EPPK1: variants seen among roughly 807,000 people sequenced by gnomAD.
The protein encoded by EPPK1 is epiplakin.
For missense variants in EPPK1, 3,823 were observed against 3,673.3 expected, an observed-to-expected ratio of 1.04 and a Z score of -1.05; for synonymous variants, 1,862 against 1,721.2, an observed-to-expected ratio of 1.08 and a Z score of -2.03.
chr8:143,874,582 C>T (rs1819444901), intron 1 of EPPK1, among the ~76,000 whole-genome samples: 1 of 152,180 alleles, frequency 6.6e-6, no homozygotes, highest in African/African-American at 2.4e-5. Context: ...TCCCCTCGAG[C>T]TCCGGAGGAA....
At position 143,876,793 on chromosome 8, in the gene EPPK1, C is replaced by T. The variant is rs912107444; in HGVS notation, c.-46+1645G>A. ...GGGCCCTGCCCTGTCCCCTGACATCCGGCCAGGGATGGCGGTGAGGAAATG... is the reference window on the plus strand; with the variant it reads ...GGGCCCTGCCCTGTCCCCTGACATCTGGCCAGGGATGGCGGTGAGGAAATG... On this transcript the variant is annotated intron_variant, in intron 1 of 1. Transcript: ENST00000615648. 1.1e-4 allele frequency among the ~76,000 whole-genome samples: 16 copies of T among 152,240 alleles called. No individual in the cohort carries two copies. The East Asian group carries it at 2.5e-3, about 24-fold the overall frequency.
rs377549667 is a variant in EPPK1, at chr8:143,869,348, G to A, written c.3906C>T (p.Asp1302=). 1.6e-4 allele frequency: 259 copies of A among 1,610,468 alleles called. 1 individual carries two copies. In the African/African-American group the frequency reaches 2.7e-3, roughly 17 times the overall value. Residue 1302 remains aspartate, a synonymous_variant, in exon 2 of 2, where the codon GAC becomes GAT. Coordinates refer to ENST00000615648, the MANE Select transcript of EPPK1 (RefSeq NM_031308.4). ...TGCCCACCAGGCCGACCTTAACCGC[G>A]TCCTCCACTGACAGTCTCTGGTTGT... The part of the protein sequence containing the change: ...PLNNQRLSVE[D]AVKVGLVGRE...
At chr8:143,878,800 C>T (rs1819543302), upstream of EPPK1, among the ~76,000 whole-genome samples, 1 of 152,044 alleles carries the variant, frequency 6.6e-6, no homozygotes, top group African/African-American at 2.4e-5. Context: ...CCACAAGCCA[C>T]TAATGCGGTG....
At position 143,871,501 on chromosome 8, in the gene EPPK1, G is replaced by A. The variant is rs552461807; in HGVS notation, c.1753C>T (p.Arg585Trp). The A allele has an allele frequency of 2.1e-5, 34 of 1,609,288 alleles. No individual in the cohort carries two copies. Among genetic ancestry groups the A allele is most frequent in the South Asian group, 6.6e-5 (6 of 90,472 alleles). Residue 585 changes from arginine (R) to tryptophan (W), a missense_variant, in exon 2 of 2, where the codon CGG (arginine) becomes TGG (tryptophan). Coordinates refer to ENST00000615648, the MANE Select transcript of EPPK1 (RefSeq NM_031308.4). ...GCTGTGGCCTGTCCATGCTCCAGCC[G>A]CTCGTACAGGTCCTGGTCGATGATC... is the stretch of plus-strand genomic sequence containing the variant. ...AEIIDQDLYE[R>W]LEHGQATAKD...
chr8:143,866,835 A>T lies in EPPK1; in HGVS notation c.6419T>A (p.Val2140Glu), dbSNP rs782536099. ...TCTGGTGTGTGTTCTATACATCCTC[A>T]CCAGCTGGAGCTTCTTCTCCTCTGT... ...YVTEEKKLQL[V>E]RMYRTHTRRA... The change falls in exon 2 of 2, where the codon GTG becomes GAG. Residue 2140 changes from valine to glutamate, a missense_variant. Coordinates refer to ENST00000615648, the MANE Select transcript of EPPK1 (RefSeq NM_031308.4). The T allele has an allele frequency of 3.7e-6, 6 of 1,613,176 alleles. No homozygotes were observed. In the African/African-American group the frequency reaches 8.0e-5, roughly 22 times the overall value.
In EPPK1 at chr8:143,866,185, C is replaced by G; in HGVS notation, c.7069G>C (p.Val2357Leu). ...CGCCGGTAGGCCACGTCCACGGGCA[C>G]GCGGTGGCTGTGCACGGGGTCGATG... ...GVIDPVHSHR[V>L]PVDVAYRRGY... Residue 2357 changes from valine to leucine, a missense_variant, in exon 2 of 2, where the codon GTG (valine) becomes CTG (leucine). Physicochemically the swap from Val to Leu is conservative, Grantham distance 32. Transcript: ENST00000615648. The G allele has an allele frequency of 7.0e-6, 3 of 427,710 alleles. No homozygotes were observed. Among genetic ancestry groups the G allele is most frequent in the Non-Finnish European group, 1.2e-5 (3 of 255,772 alleles). The allele number at this position is 427,710 out of a possible 1,614,324, so 26.5% of individuals were successfully genotyped here.
In EPPK1 at chr8:143,868,661, C is replaced by T; in HGVS notation, c.4593G>A (p.Arg1531=). The change falls in exon 2 of 2, where the codon AGG becomes AGA. Residue 1531 remains arginine (R), a synonymous_variant. Transcript: ENST00000615648. ...TGATCAGCTGCGCCCTGAACAGGTC[C>T]CTGGCTGACACCTGCTTCCGGAGCC... ...FRGLRKQVSA[R]DLFRAQLISR... 6.3e-7 allele frequency: 1 copy of T among 1,585,970 alleles called. No individual in the cohort carries two copies. The highest frequency in any genetic ancestry group is 8.6e-7 in the Non-Finnish European group (1 of 1,167,414).
rs782613983 is a variant in EPPK1, at chr8:143,868,292, G to T, written c.4962C>A (p.Asp1654Glu). Residue 1654 changes from aspartate to glutamate, a missense_variant, in exon 2 of 2, where the codon GAC becomes GAA. By Grantham distance (45) the Asp-to-Glu change is conservative. Transcript: ENST00000615648. ...SAERAVTGYT[D>E]PYTGQQISLF... ...GGGAGATCTGCTGCCCGGTATAGGG[G>T]TCGGTGTAGCCGGTGACGGCGCGCT... The T allele has an allele frequency of 6.2e-7, 1 of 1,613,190 alleles. No homozygotes were observed. The highest frequency in any genetic ancestry group is 8.5e-7 in the Non-Finnish European group (1 of 1,180,026).
rs1554659479 is a variant in EPPK1 at position 143,867,430 on chromosome 8, C to G, written c.5824G>C (p.Asp1942His). 3 of 1,612,634 alleles carry G rather than the reference C, an allele frequency of 1.9e-6. No homozygotes were observed. The highest frequency in any genetic ancestry group is 2.7e-5 in the African/African-American group (2 of 74,930). ...GAGAGCTTCTGGCGGGTGCAGGGGT[C>G]CAGGAGGAACCCGGTGGCGGCCTGC... ...EAQAATGFLL[D>H]PCTRQKLSVD... Residue 1942 changes from aspartate (D) to histidine (H), a missense_variant, in exon 2 of 2, where the codon GAC becomes CAC. Physicochemically the swap from Asp to His is moderately conservative, Grantham distance 81. Transcript: ENST00000615648.
chr8:143,869,629 G>A lies in EPPK1; in HGVS notation c.3625C>T (p.Leu1209=), dbSNP rs1440441690. 9.5e-6 allele frequency: 15 copies of A among 1,582,656 alleles called. No individual in the cohort carries two copies. Among genetic ancestry groups the A allele is most frequent in the Non-Finnish European group, 1.3e-5 (15 of 1,164,632 alleles). The change falls in exon 2 of 2, where the codon CTG becomes TTG. Residue 1209 remains leucine (L), a synonymous_variant. Coordinates refer to ENST00000615648, the MANE Select transcript of EPPK1 (RefSeq NM_031308.4). ...TCCTGGGTGATGATGCCAGCATCCA[G>A]CAGCCAGACAGCGGGTACCTCACCC... ...PRGEVPAVWL[L]DAGIITQETL...
Position 143,868,129 on chromosome 8 carries a change from A to G in EPPK1, c.5125T>C (p.Tyr1709His). 6.2e-7 allele frequency: 1 copy of G among 1,613,286 alleles called. No individual in the cohort carries two copies. Among genetic ancestry groups the G allele is most frequent in the Non-Finnish European group, 8.5e-7 (1 of 1,180,022 alleles). Residue 1709 changes from tyrosine (Y) to histidine (H), a missense_variant, in exon 2 of 2, where the codon TAC (tyrosine) becomes CAC (histidine). Coordinates refer to ENST00000615648, the MANE Select transcript of EPPK1 (RefSeq NM_031308.4). The part of the protein sequence containing the change: ...VPVDVAYRCG[Y>H]FDEEMNRILA... ...ATGCGGTTCATCTCCTCGTCGAAGT[A>G]GCCGCAGCGGTAGGCCACGTCCACG...
In EPPK1 at chr8:143,868,370, C is replaced by T. The variant is rs117131125; in HGVS notation, c.4884G>A (p.Ala1628=). The change falls in exon 2 of 2, where the codon GCG becomes GCA. Residue 1628 remains alanine, a synonymous_variant. Transcript: ENST00000615648. Reference sequence around the variant, plus strand: ...CTTTCCCGAACATTCCTGCTTTGAACGCCTCCTCCACGGTCAGCTTCCGGT... The same window carrying T: ...CTTTCCCGAACATTCCTGCTTTGAATGCCTCCTCCACGGTCAGCTTCCGGT... ...VENRKLTVEE[A]FKAGMFGKET... 41,356 of 1,612,796 alleles carry T rather than the reference C, an allele frequency of 0.026. 618 individuals carry two copies. The highest frequency in any genetic ancestry group is 0.039 in the Middle Eastern group (234 of 6,062).
Position 143,878,421 on chromosome 8 carries a change from C to CGCCGCACCCGCCGCACCT in EPPK1, c.-47_-46+16dup. 7.9e-6 allele frequency: 1 copy of CGCCGCACCCGCCGCACCT among 126,890 alleles called. No homozygotes were observed. Among genetic ancestry groups the CGCCGCACCCGCCGCACCT allele is most frequent in the East Asian group, 2.0e-4 (1 of 4,964 alleles). The allele number at this position is 126,890 out of a possible 1,614,324, so 7.9% of individuals were successfully genotyped here. ...CCGCACCCGCCGCACCCGCCGCACC[C>CGCCGCACCCGCCGCACCT]GCCGCACCCGCCGCACCTGCCCGCT... On this transcript the variant is annotated intron_variant, in intron 1 of 1. Transcript: ENST00000615648.
chr8:143,867,524 G>T lies in EPPK1; in HGVS notation c.5730C>A (p.Val1910=). 6.2e-7 allele frequency: 1 copy of T among 1,612,632 alleles called. No individual in the cohort carries two copies. Among genetic ancestry groups the T allele is most frequent in the South Asian group, 1.1e-5 (1 of 91,072 alleles). The stretch of plus-strand genomic sequence containing the variant: ...TCCTGCTGGCCTCATGGAGGCTCAT[G>T]ACCTCCCTGGTGGAGGGCACCGTGA... The part of the protein sequence containing the change: ...AGVTVPSTRE[V]MSLHEASRKE... Residue 1910 remains valine, a synonymous_variant, in exon 2 of 2, where the codon GTC becomes GTA. Transcript: ENST00000615648.
At position 143,872,656 on chromosome 8, in the gene EPPK1, A is replaced by G; in HGVS notation, c.598T>C (p.Phe200Leu). ...CGCTCCAGCGTGTTGGGGTCGAGGAAGCGCAGGTCACCTGTGCCAGGCTCA... is the reference window on the plus strand; with the variant it reads ...CGCTCCAGCGTGTTGGGGTCGAGGAGGCGCAGGTCACCTGTGCCAGGCTCA... ...ELEPGTGDLR[F>L]LDPNTLERLT... is the part of the protein sequence containing the mutation. The change falls in exon 2 of 2, where the codon TTC becomes CTC. Residue 200 changes from phenylalanine to leucine, a missense_variant. Transcript: ENST00000615648. 1.9e-6 allele frequency: 3 copies of G among 1,609,050 alleles called. No individual in the cohort carries two copies. Among genetic ancestry groups the G allele is most frequent in the Non-Finnish European group, 2.5e-6 (3 of 1,179,276 alleles).
Position 143,869,463 on chromosome 8 carries a change from T to C in EPPK1, c.3791A>G (p.Gln1264Arg), listed in dbSNP as rs1321100052. 6.4e-7 allele frequency: 1 copy of C among 1,556,542 alleles called. No homozygotes were observed. The highest frequency in any genetic ancestry group is 1.9e-5 in the Admixed American group (1 of 53,454). ...QPSGAKASIA[Q>R]AVRDGLLPTG... ...GGGCAGGAGGCCATCCCTCACGGCC[T>C]GGGCGATGCTGGCCTTGGCCCCAGA... Residue 1264 changes from glutamine to arginine, a missense_variant, in exon 2 of 2, where the codon CAG becomes CGG. Coordinates refer to ENST00000615648, the MANE Select transcript of EPPK1 (RefSeq NM_031308.4).
chr8:143,867,368 C>T lies in EPPK1; in HGVS notation c.5886G>A (p.Glu1962=), dbSNP rs782648397. ...DEAVDVGLVN[E]ELRERLLKAE... ...CCTTCAGGAGCCTCTCCCGCAGCTCCTCGTTCACCAGGCCCACATCCACAG... is the reference window on the plus strand; with the variant it reads ...CCTTCAGGAGCCTCTCCCGCAGCTCTTCGTTCACCAGGCCCACATCCACAG... The change falls in exon 2 of 2, where the codon GAG becomes GAA. Residue 1962 remains glutamate (E), a synonymous_variant. Coordinates refer to ENST00000615648, the MANE Select transcript of EPPK1 (RefSeq NM_031308.4). 2 of 1,612,812 alleles carry T rather than the reference C, an allele frequency of 1.2e-6. No homozygotes were observed. Among genetic ancestry groups the T allele is most frequent in the African/African-American group, 2.7e-5 (2 of 74,944 alleles).
Position 143,868,744 on chromosome 8 carries a change from C to T in EPPK1, c.4510G>A (p.Ala1504Thr), listed in dbSNP as rs146005478. 368 of 1,580,610 alleles carry T rather than the reference C, an allele frequency of 2.3e-4. 1 individual carries two copies. In the East Asian group the frequency reaches 4.5e-3, roughly 19 times the overall value. ...GCAGCCTCGACCAGGGTGGTGACTG[C>T]GCTGACCACCTGCCGCAGGGCCGCA... ...RAAALRQVVSAVTTLVEAAER... is the reference protein window; with the variant it reads ...RAAALRQVVSTVTTLVEAAER... The change falls in exon 2 of 2, where the codon GCA (alanine) becomes ACA (threonine). Residue 1504 changes from alanine to threonine, a missense_variant. Coordinates refer to ENST00000615648, the MANE Select transcript of EPPK1 (RefSeq NM_031308.4).
Position 143,873,259 on chromosome 8 carries a change from A to G in EPPK1, c.-6T>C. 1 of 1,540,272 alleles carries G rather than the reference A, an allele frequency of 6.5e-7. No individual in the cohort carries two copies. Among genetic ancestry groups the G allele is most frequent in the Non-Finnish European group, 8.7e-7 (1 of 1,151,520 alleles). On this transcript the variant is annotated 5_prime_UTR_variant, in exon 2 of 2. Coordinates refer to ENST00000615648, the MANE Select transcript of EPPK1 (RefSeq NM_031308.4). ...GGCAAGGTGTGGCCACTCATCACAC[A>G]CGGCTGGTTATGCAGAGCCTGCTGA... is the stretch of plus-strand genomic sequence containing the variant.
Sources: gnomAD v4.1 joint callset for allele counts (sites outside exome capture counted in the v4.1 genomes callset) on GRCh38, gnomAD v4.1.1 for gene constraint, MANE v1.5 for transcripts, NCBI Gene and HGNC (gene_info 2026-07-23, HGNC 2026-07-21) for gene names.